The following DIP2C variants were observed in gnomAD, a reference collection of about 807,000 sequenced individuals.
The protein encoded by DIP2C is DIP2 acetate--CoA ligase C (putative), also known as disco-interacting protein 2 homolog C.
Under a neutral mutation model 192.4 loss-of-function variants are expected in DIP2C, and 33 were observed. The observed-to-expected ratio is 0.17, with a 90% CI of 0.13 to 0.23. The LOEUF is 0.23. DIP2C is among the 10% of genes least tolerant of loss of function. The pLI is 1.00. For synonymous variants in DIP2C, 979 were observed against 864.1 expected (o/e 1.13, Z -2.33); for missense variants, 1,537 against 2,110.1 (o/e 0.73, Z 5.32).
chr10:443,985 A>C (rs574110935), intron 3 of DIP2C, among the ~76,000 whole-genome samples: 4 of 152,356 alleles, frequency 2.6e-5, no homozygotes, highest in Non-Finnish European at 5.9e-5. Flanking sequence ...TACCCTGATC[A>C]AATCTTTTGC....
intron 31 of DIP2C, among the ~76,000 whole-genome samples, chr10:318,370 C>T (rs1264329577): frequency 6.6e-6 from 1 of 152,182 alleles, no homozygotes; most frequent in Non-Finnish European, 1.5e-5. Context: ...ACAAACCAAT[C>T]GGGCTCTTGC....
At position 367,286 on chromosome 10, in the gene DIP2C, G is replaced by A. The variant is rs377715083; in HGVS notation, c.2132-875C>T. ...CAAAAAAGTAGCCGGGCGCAGTGGCGGGCGCCTGTAGTCCCAGCTCCTCGG... is the reference window on the plus strand; with the variant it reads ...CAAAAAAGTAGCCGGGCGCAGTGGCAGGCGCCTGTAGTCCCAGCTCCTCGG... On this transcript the variant is annotated intron_variant, in intron 18 of 36. Coordinates refer to ENST00000280886, the MANE Select transcript of DIP2C (RefSeq NM_014974.3). 3.6e-4 allele frequency among the ~76,000 whole-genome samples: 54 copies of A among 152,048 alleles called. No individual in the cohort carries two copies. In the East Asian group the frequency reaches 3.9e-3, roughly 11 times the overall value.
At position 277,148 on chromosome 10, in the gene DIP2C, C is replaced by CGA. The variant is rs1218858206; in HGVS notation, c.*176_*177insTC. On this transcript the variant is annotated 3_prime_UTR_variant, in exon 37 of 37. Coordinates refer to ENST00000280886, the MANE Select transcript of DIP2C (RefSeq NM_014974.3). ...GAAATTCAGTGGTAAATTCACATTT[C>CGA]ACCCCCATGCCAATCGTGGCTGCTG... 1 of 871,602 alleles carries CGA rather than the reference C, an allele frequency of 1.1e-6. No homozygotes were observed. The highest frequency in any genetic ancestry group is 3.0e-5 in the Admixed American group (1 of 32,944). 54.0% of individuals were successfully genotyped at this position (871,602 alleles called of 1,614,324 possible). A position where few individuals can be genotyped will look rare whatever the true frequency, so the allele number is the denominator to read the frequency against.
intron 22 of DIP2C, among the ~76,000 whole-genome samples, chr10:361,603 T>C (rs1218536999): frequency 1.3e-5 from 2 of 152,138 alleles, no homozygotes; most frequent in African/African-American, 4.8e-5. Context: ...GTTGAGAGTG[T>C]CTGACAATCA....
chr10:532,898 C>T (rs900394956), intron 1 of DIP2C, among the ~76,000 whole-genome samples: 1 of 152,138 alleles, frequency 6.6e-6, no homozygotes, highest in Admixed American at 6.5e-5. Flanking sequence ...TTGGGTGATC[C>T]TCCAGCCTCA....
At chr10:454,830 G>T (rs1184421831) in intron 3 of DIP2C, among the ~76,000 whole-genome samples, 1 of 152,282 alleles carries the variant, frequency 6.6e-6, no homozygotes, top group Non-Finnish European at 1.5e-5. Context: ...CAGAGAAAGA[G>T]GTAGTATACA....
In DIP2C at chr10:651,678, C is replaced by T. The variant is rs1349279835; in HGVS notation, c.85+37816G>A. ...GTGAATTCACGTCCCCCAAATTTTCCGTATCCCAAAATCTGGACTTTTGCT... is the reference window on the plus strand; with the variant it reads ...GTGAATTCACGTCCCCCAAATTTTCTGTATCCCAAAATCTGGACTTTTGCT... On this transcript the variant is annotated intron_variant, in intron 1 of 36. Coordinates refer to ENST00000280886, the MANE Select transcript of DIP2C (RefSeq NM_014974.3). This position sits in a 1 kb window ranked among gnomAD's most constrained non-coding sequence, Gnocchi z 4.1. The T allele has an allele frequency of 8.6e-6, 3 of 347,370 alleles. No homozygotes were observed. The highest frequency in any genetic ancestry group is 1.7e-5 in the Non-Finnish European group (3 of 178,358). The allele number at this position is 347,370 out of a possible 1,614,324, so 21.5% of individuals were successfully genotyped here. A position where few individuals can be genotyped will look rare whatever the true frequency, so the allele number is the denominator to read the frequency against.
intron 1 of DIP2C, among the ~76,000 whole-genome samples, chr10:491,192 T>G (rs1844422209): frequency 6.6e-6 from 1 of 152,162 alleles, no homozygotes; most frequent in African/African-American, 2.4e-5. Flanking sequence ...GGGAGCCGCG[T>G]GACCCTAGGG....
At position 357,859 on chromosome 10, in the gene DIP2C, C is replaced by T; in HGVS notation, c.2873G>A (p.Gly958Asp). 6.2e-7 allele frequency: 1 copy of T among 1,612,668 alleles called. No homozygotes were observed. Residue 958 changes from glycine (G) to aspartate (D), a missense_variant, in exon 23 of 37, where the codon GGT becomes GAT. Transcript: ENST00000280886. ...RIAQASGRDL[G>D]QIEDNDQARK... ...TGCCTGGTCGTTATCTTCGATCTGA[C>T]CCAGGTCTCTGCCACTGGCCTGGGC...
At chr10:601,895 G>A (rs1452578348) in intron 1 of DIP2C, among the ~76,000 whole-genome samples, 1 of 152,178 alleles carries the variant, frequency 6.6e-6, no homozygotes, top group African/African-American at 2.4e-5. Flanking sequence ...AGAACGGGAG[G>A]AACCAAGATT....
intron 1 of DIP2C, chr10:668,687 G>A (rs1857263536): frequency 6.6e-6 from 1 of 152,166 alleles, no homozygotes; most frequent in South Asian, 2.1e-4. Context: ...ATACTGTACA[G>A]ATTCTAAGTA....
At chr10:524,749 T>G (rs1672504) in intron 1 of DIP2C, among the ~76,000 whole-genome samples, 151,004 of 152,200 alleles carry the variant, frequency 0.99, 74,916 homozygotes, top group East Asian at 1. Flanking sequence ...CTACCTTGAA[T>G]ACTTCCAACA....
chr10:344,633 T>G (rs1236893631), intron 28 of DIP2C, among the ~76,000 whole-genome samples, 176 bp downstream of exon 28: 1 of 152,194 alleles, frequency 6.6e-6, no homozygotes, highest in South Asian at 2.1e-4. Flanking sequence ...TCAGTCAGCC[T>G]GGTTAAGGAT....
chr10:343,471 G>A (rs992369817), intron 28 of DIP2C, among the ~76,000 whole-genome samples: 4 of 152,140 alleles, frequency 2.6e-5, no homozygotes, highest in African/African-American at 9.7e-5. Flanking sequence ...ACTGTAAAAC[G>A]TTCCATCACT....
rs1253582079 is a variant in DIP2C, at chr10:651,249, G to C, written c.85+38245C>G. 1.4e-6 allele frequency: 1 copy of C among 716,010 alleles called. No homozygotes were observed. Among genetic ancestry groups the C allele is most frequent in the Admixed American group, 2.0e-5 (1 of 50,016 alleles). 44.4% of individuals were successfully genotyped at this position (716,010 alleles called of 1,614,324 possible). On this transcript the variant is annotated intron_variant, in intron 1 of 36. Coordinates refer to ENST00000280886, the MANE Select transcript of DIP2C (RefSeq NM_014974.3). This position sits in a 1 kb window ranked among gnomAD's most constrained non-coding sequence, Gnocchi z 4.1. ...ACACCAATGATGGCGTCACAGCGTG[G>C]GTTCCGGTCACCAGTCGGCCTCCCC...
At chr10:469,058 A>G (rs966433246) in intron 3 of DIP2C, among the ~76,000 whole-genome samples, 1 of 152,106 alleles carries the variant, frequency 6.6e-6, no homozygotes, top group Non-Finnish European at 1.5e-5. Context: ...ATTGGAGACC[A>G]TCATCTGTGC....
chr10:489,066 C>T (rs1353261497), intron 1 of DIP2C, among the ~76,000 whole-genome samples: 4 of 152,146 alleles, frequency 2.6e-5, no homozygotes, highest in Admixed American at 1.3e-4. Context: ...ATGCAGAAGA[C>T]GACGGCTTGA....
At chr10:588,325 T>A (rs576118333) in intron 1 of DIP2C, among the ~76,000 whole-genome samples, 11 of 152,234 alleles carry the variant, frequency 7.2e-5, no homozygotes, top group Non-Finnish European at 1.5e-4. Flanking sequence ...ACCAGGACTG[T>A]GTCCTGGGAA....
At position 384,690 on chromosome 10, in the gene DIP2C, G is replaced by C. The variant is rs755469728; in HGVS notation, c.1663-51C>G. 8.8e-6 allele frequency: 14 copies of C among 1,583,584 alleles called. No individual in the cohort carries two copies. The East Asian group carries it at 2.0e-4, about 23-fold the overall frequency. The stretch of plus-strand genomic sequence containing the variant: ...GGTGAGCATGGAGGGGCACGCAGAG[G>C]AGCAGCTCTCACCCAGTGGCATGGA... On this transcript the variant is annotated intron_variant, in intron 14 of 36. Transcript: ENST00000280886.
Sources: gnomAD v4.1 joint callset for allele counts (sites outside exome capture counted in the v4.1 genomes callset) on GRCh38, gnomAD v4.1.1 for gene constraint, Gnocchi (gnomAD v3.1) non-coding constraint, MANE v1.5 for transcripts, NCBI Gene and HGNC (gene_info 2026-07-23, HGNC 2026-07-21) for gene names.